CCDC170: variants seen among roughly 807,000 people sequenced by gnomAD.
CCDC170 encodes the protein coiled-coil domain-containing protein 170.
A neutral mutation model predicts 72.6 loss-of-function variants in CCDC170; 69 were observed. That is an observed-to-expected ratio of 0.95 (90% CI 0.78 to 1.16). The LOEUF (loss-of-function observed/expected upper bound fraction) is 1.16, where lower values mean the gene tolerates loss of function less well. Ranked by LOEUF, CCDC170 falls within the 50% of genes most tolerant of loss-of-function variation. The probability of loss-of-function intolerance (pLI) is 0.00; values close to 1 mark genes in which losing one functional copy is unlikely to be tolerated. For missense variants in CCDC170, 852 were observed against 832.5 expected (o/e 1.02, Z -0.29); for synonymous variants, 300 against 303.9 (o/e 0.99, Z 0.13).
At chr6:151,558,797 C>G (rs1783029340) in intron 5 of CCDC170, among the ~76,000 whole-genome samples, 1 of 152,018 alleles carries the variant, frequency 6.6e-6, no homozygotes, top group Non-Finnish European at 1.5e-5. Flanking sequence ...TTTATTATAG[C>G]CTTGAAGTAT....
At chr6:151,590,706 A>T (rs1776521887) in intron 7 of CCDC170, among the ~76,000 whole-genome samples, 1 of 152,224 alleles carries the variant, frequency 6.6e-6, no homozygotes, top group South Asian at 2.1e-4. Context: ...TTTGAAATAG[A>T]GACAAAATCC....
chr6:151,566,132 C>T (rs1776133530), intron 5 of CCDC170, among the ~76,000 whole-genome samples: 1 of 152,134 alleles, frequency 6.6e-6, no homozygotes, highest in South Asian at 2.1e-4. Flanking sequence ...TTCTAATTTT[C>T]CAGAGTTGAT....
At chr6:151,541,881 TA>T (rs1324568483) in intron 3 of CCDC170, among the ~76,000 whole-genome samples, 177 of 137,898 alleles carry the variant, frequency 1.3e-3, no homozygotes, top group African/African-American at 4.1e-3. Flanking sequence ...TATATATATA[TA>T]TATATTTTTT....
At position 151,574,051 on chromosome 6, in the gene CCDC170, C is replaced by A. The variant is rs147610081; in HGVS notation, c.1092+560C>A. ...GCCAGGAATTCAAGACCAGTCTGAG[C>A]AATATAGTGAGACCCCTCTCTCTAC... On this transcript the variant is annotated intron_variant, in intron 6 of 10. Coordinates refer to ENST00000239374, the MANE Select transcript of CCDC170 (RefSeq NM_025059.4). 5.3e-5 allele frequency among the ~76,000 whole-genome samples: 8 copies of A among 152,280 alleles called. No homozygotes were observed. The East Asian group carries it at 7.7e-4, about 15-fold the overall frequency.
At position 151,593,113 on chromosome 6, in the gene CCDC170, A is replaced by C. The variant is rs868447654; in HGVS notation, c.1300A>C (p.Lys434Gln). 5 of 1,614,164 alleles carry C rather than the reference A, an allele frequency of 3.1e-6. No individual in the cohort carries two copies. The African/African-American group carries it at 5.3e-5, about 17-fold the overall frequency. ...TTTCTGTTCTTGGGTTTAGTATCTT[A>C]AATTTCTGGATCAGCTTTCTCAGAA... ...NLNFEKQKYLKFLDQLSQKMK... is the reference protein window; with the variant it reads ...NLNFEKQKYLQFLDQLSQKMK... The change falls in exon 8 of 11, where the codon AAA becomes CAA. Residue 434 changes from lysine to glutamine, a missense_variant. Coordinates refer to ENST00000239374, the MANE Select transcript of CCDC170 (RefSeq NM_025059.4).
At chr6:151,572,594 CA>C (rs1776233332) in intron 5 of CCDC170, among the ~76,000 whole-genome samples, 1 of 145,924 alleles carries the variant, frequency 6.9e-6, no homozygotes, top group African/African-American at 2.6e-5. Flanking sequence ...GCTTATGTGT[CA>C]AAGTTTCCTT....
At chr6:151,525,757 G>A (rs1202897885) in intron 1 of CCDC170, among the ~76,000 whole-genome samples, 1 of 152,136 alleles carries the variant, frequency 6.6e-6, no homozygotes, top group African/African-American at 2.4e-5. Context: ...TCATACAGAT[G>A]TGCATGACAC....
chr6:151,548,266 T>C (rs1229771420), intron 4 of CCDC170, 38 bp from the exon 5 acceptor site: 2 of 1,469,518 alleles, frequency 1.4e-6, no homozygotes. Flanking sequence ...ATGAAATTGT[T>C]AATTTTTATA....
chr6:151,609,563 GA>G (rs1160902344), intron 9 of CCDC170, among the ~76,000 whole-genome samples: 1 of 152,182 alleles, frequency 6.6e-6, no homozygotes. Context: ...AGCACACTTG[GA>G]ACCTTCTCTG....
rs1164042129 is a variant in CCDC170, at chr6:151,533,261, A to G, written c.58-3057A>G. On this transcript the variant is annotated intron_variant, in intron 1 of 10. Coordinates refer to ENST00000239374, the MANE Select transcript of CCDC170 (RefSeq NM_025059.4). ...AGTAGAGACGGGGTTTCACCATGTTAGCCAGGATGGTCTCGATCTCCTGAC... is the reference window on the plus strand; with the variant it reads ...AGTAGAGACGGGGTTTCACCATGTTGGCCAGGATGGTCTCGATCTCCTGAC... Among the ~76,000 whole-genome samples the G allele has an allele frequency of 8.3e-4, 126 of 151,196 alleles. No individual in the cohort carries two copies. The East Asian group carries it at 0.02, about 24-fold the overall frequency.
intron 9 of CCDC170, among the ~76,000 whole-genome samples, chr6:151,612,728 A>G (rs1003045623): frequency 1.3e-5 from 2 of 152,180 alleles, no homozygotes; most frequent in Non-Finnish European, 2.9e-5. Context: ...ATGCATCAAG[A>G]AAACATCTTT....
At chr6:151,584,326 A>T (rs1776422119) in intron 6 of CCDC170, among the ~76,000 whole-genome samples, 1 of 152,068 alleles carries the variant, frequency 6.6e-6, no homozygotes, top group African/African-American at 2.4e-5. Flanking sequence ...ATTATTTATT[A>T]TTTTTAATTT....
intron 3 of CCDC170, among the ~76,000 whole-genome samples, chr6:151,540,131 A>T (rs539126653): frequency 8.5e-5 from 13 of 152,086 alleles, no homozygotes; most frequent in Non-Finnish European, 1.3e-4. Context: ...TAAGAAAAAT[A>T]CCATATACTG....
intron 1 of CCDC170, among the ~76,000 whole-genome samples, chr6:151,508,124 G>T (rs559855998): frequency 6.6e-5 from 10 of 152,204 alleles, no homozygotes; most frequent in Middle Eastern, 3.4e-3. Context: ...CTAGAGCATT[G>T]CTCTTTTGGA....
At chr6:151,585,321 G>T (rs1422479044) in intron 6 of CCDC170, among the ~76,000 whole-genome samples, 1 of 152,136 alleles carries the variant, frequency 6.6e-6, no homozygotes, top group Non-Finnish European at 1.5e-5. Context: ...TGCAAAAATG[G>T]TATTACTCTA....
At chr6:151,548,568 T>A in intron 5 of CCDC170, 79 bp downstream of exon 5, 1 of 1,312,738 alleles carries the variant, frequency 7.6e-7, no homozygotes, top group Non-Finnish European at 1.0e-6. Flanking sequence ...GTCAGATAAG[T>A]GCCCTAGAAC....
chr6:151,501,414 G>GT (rs1329464776), intron 1 of CCDC170, among the ~76,000 whole-genome samples: 1 of 152,170 alleles, frequency 6.6e-6, no homozygotes, highest in East Asian at 1.9e-4. Flanking sequence ...TACCTTAGTT[G>GT]TATAAGTCGT....
chr6:151,568,159 T>C (rs1262305534), intron 5 of CCDC170, among the ~76,000 whole-genome samples: 1 of 140,690 alleles, frequency 7.1e-6, no homozygotes, highest in Non-Finnish European at 1.5e-5. Flanking sequence ...GGATGTTGCA[T>C]CAGTGTCAAC....
At chr6:151,508,082 T>C (rs557398919) in intron 1 of CCDC170, among the ~76,000 whole-genome samples, 2 of 152,334 alleles carry the variant, frequency 1.3e-5, no homozygotes, top group South Asian at 4.1e-4. Context: ...TCCAACAGTC[T>C]TCAGTCTCCC....
Sources: gnomAD v4.1 joint callset for allele counts (sites outside exome capture counted in the v4.1 genomes callset) on GRCh38, gnomAD v4.1.1 for gene constraint, MANE v1.5 for transcripts, NCBI Gene and HGNC (gene_info 2026-07-23, HGNC 2026-07-21) for gene names.